CNTNAP2: variants seen among roughly 807,000 people sequenced by gnomAD.
CNTNAP2 encodes the protein contactin-associated protein-like 2.
A neutral mutation model predicts 155.2 loss-of-function variants in CNTNAP2; 98 were observed. That is an observed-to-expected ratio of 0.63 (90% CI 0.54 to 0.75). The LOEUF is 0.75. Among genes scored for constraint, CNTNAP2 ranks in the 30% least tolerant of loss-of-function variants. The pLI, the probability that CNTNAP2 is intolerant of heterozygous loss-of-function variation, is 0.00. For missense variants in CNTNAP2, 1,727 were observed against 1,688.1 expected, an observed-to-expected ratio of 1.02 and a Z score of -0.40; for synonymous variants, 651 against 631.2, an observed-to-expected ratio of 1.03 and a Z score of -0.47.
rs563493948 is a variant in CNTNAP2 at position 147,248,987 on chromosome 7, A to G, written c.1349-51154A>G. ...ACTGATCTATGGGAGAAGAAAAAAA[A>G]CTTGATATTTAAGCATTGGTGGAAA... On this transcript the variant is annotated intron_variant, in intron 8 of 23. Transcript: ENST00000361727. Among the ~76,000 whole-genome samples, 5 of 152,296 alleles carry G rather than the reference A, an allele frequency of 3.3e-5. No homozygotes were observed. In the South Asian group the frequency reaches 1.0e-3, roughly 32 times the overall value.
At chr7:146,721,833 AGTC>A in intron 1 of CNTNAP2, among the ~76,000 whole-genome samples, 1 of 115,536 alleles carries the variant, frequency 8.7e-6, no homozygotes, top group African/African-American at 4.8e-5. Flanking sequence ...GACTATATAT[AGTC>A]TATATATATA....
chr7:147,660,271 C>G (rs571523680), intron 13 of CNTNAP2, among the ~76,000 whole-genome samples: 1 of 152,160 alleles, frequency 6.6e-6, no homozygotes, highest in African/African-American at 2.4e-5. Context: ...AATGTAGAAC[C>G]TTCTCTTCCT....
At chr7:146,877,268 G>A (rs1376585242) in intron 3 of CNTNAP2, among the ~76,000 whole-genome samples, 3 of 152,124 alleles carry the variant, frequency 2.0e-5, no homozygotes, top group African/African-American at 7.2e-5. Flanking sequence ...TTGGGAGGCT[G>A]AGAGGAGAAG....
intron 20 of CNTNAP2, among the ~76,000 whole-genome samples, chr7:148,264,090 TG>T (rs1396686978): frequency 6.8e-6 from 1 of 146,006 alleles, no homozygotes; most frequent in Non-Finnish European, 1.5e-5. Context: ...TGGGCTGTAT[TG>T]GGCCTGAGGA....
intron 1 of CNTNAP2, among the ~76,000 whole-genome samples, chr7:146,449,967 A>G (rs1052418366): frequency 3.3e-5 from 5 of 152,160 alleles, no homozygotes; most frequent in Non-Finnish European, 5.9e-5. Context: ...CTGCCTAGTT[A>G]TCAGTCCACT....
chr7:147,467,628 T>C (rs1328461059), intron 10 of CNTNAP2, among the ~76,000 whole-genome samples: 1 of 152,184 alleles, frequency 6.6e-6, no homozygotes, highest in Non-Finnish European at 1.5e-5. Context: ...CTTCACCATA[T>C]ATGGATGTGA....
At chr7:146,886,275 T>TGA (rs1554404693) in intron 3 of CNTNAP2, among the ~76,000 whole-genome samples, 2 of 142,178 alleles carry the variant, frequency 1.4e-5, no homozygotes, top group African/African-American at 2.6e-5. Flanking sequence ...TCAGTTTTCT[T>TGA]AAAAAAAAAA....
intron 1 of CNTNAP2, among the ~76,000 whole-genome samples, chr7:146,320,591 C>A (rs1054397781): frequency 5.9e-5 from 9 of 152,084 alleles, no homozygotes; most frequent in African/African-American, 2.2e-4. Flanking sequence ...TAATTTTTTT[C>A]TTCCCTTTAA....
intron 1 of CNTNAP2, among the ~76,000 whole-genome samples, chr7:146,461,415 A>T (rs6962908): frequency 0.035 from 5,202 of 146,914 alleles, 219 homozygotes; most frequent in African/African-American, 0.11. Context: ...AAAAAAAAAA[A>T]ATATAATAAT....
intron 1 of CNTNAP2, among the ~76,000 whole-genome samples, chr7:146,663,071 A>G (rs1421852066): frequency 1.3e-5 from 2 of 152,146 alleles, no homozygotes; most frequent in Non-Finnish European, 2.9e-5. Flanking sequence ...TGAGGTCAGG[A>G]GTTCGAGACC....
intron 3 of CNTNAP2, among the ~76,000 whole-genome samples, chr7:147,008,421 G>A (rs966735298): frequency 6.6e-6 from 1 of 152,146 alleles, no homozygotes; most frequent in East Asian, 1.9e-4. Flanking sequence ...CCTGGTGTGG[G>A]AACCAGTTTG....
chr7:146,307,570 C>T (rs1240192931), intron 1 of CNTNAP2, among the ~76,000 whole-genome samples: 1 of 152,148 alleles, frequency 6.6e-6, no homozygotes, highest in African/African-American at 2.4e-5. Context: ...CACTACCTGA[C>T]TTCAAACTAT....
chr7:148,345,173 T>C (rs991902425), intron 21 of CNTNAP2, among the ~76,000 whole-genome samples: 8 of 152,110 alleles, frequency 5.3e-5, no homozygotes, highest in African/African-American at 1.9e-4. Flanking sequence ...TTTAACTCTC[T>C]GCGGGGTTCA....
chr7:146,656,389 A>T (rs1397298897), intron 1 of CNTNAP2, among the ~76,000 whole-genome samples: 12 of 152,242 alleles, frequency 7.9e-5, no homozygotes, highest in Non-Finnish European at 5.9e-5. Flanking sequence ...AATCAGGTGT[A>T]TTAAAAACAA....
chr7:148,286,369 G>A (rs1219333468), intron 21 of CNTNAP2, among the ~76,000 whole-genome samples: 1 of 152,158 alleles, frequency 6.6e-6, no homozygotes. Flanking sequence ...TCTCCAAACT[G>A]TCTTGTGGCA....
chr7:147,342,639 A>G (rs1201179048), intron 9 of CNTNAP2, among the ~76,000 whole-genome samples: 2 of 152,220 alleles, frequency 1.3e-5, no homozygotes, highest in African/African-American at 4.8e-5. Context: ...AGTTGTGCTC[A>G]TCCAAGGACA....
intron 4 of CNTNAP2, among the ~76,000 whole-genome samples, chr7:147,091,029 A>T (rs1285689424): frequency 1.3e-5 from 2 of 152,082 alleles, no homozygotes; most frequent in East Asian, 3.9e-4. Context: ...GAGATGCTTA[A>T]TTTCTGTAGT....
rs1250384047 is a variant in CNTNAP2, at chr7:146,839,799, A to C, written c.297A>C (p.Ala99=). The change falls in exon 3 of 24, where the codon GCA becomes GCC. Residue 99 remains alanine, a synonymous_variant. Transcript: ENST00000361727. The part of the protein sequence containing the change: ...FGNRKQISAI[A]TQGRYSSSDW... ...ATCGGAAGCAGATCAGTGCCATTGC[A>C]ACCCAAGGAAGGTATAGCAGCTCAG... 1.9e-6 allele frequency: 3 copies of C among 1,614,046 alleles called. No homozygotes were observed. Among genetic ancestry groups the C allele is most frequent in the African/African-American group, 2.7e-5 (2 of 74,918 alleles).
At chr7:146,308,839 AC>A (rs1285906439) in intron 1 of CNTNAP2, among the ~76,000 whole-genome samples, 2 of 151,648 alleles carry the variant, frequency 1.3e-5, no homozygotes, top group African/African-American at 4.9e-5. Context: ...GGGTGGGGAG[AC>A]GGGGGAGGGA....
Sources: allele counts gnomAD v4.1 joint callset (sites outside exome capture counted in the v4.1 genomes callset), GRCh38; gene constraint gnomAD v4.1.1; transcripts MANE v1.5; gene names NCBI Gene and HGNC (gene_info 2026-07-23, HGNC 2026-07-21).